The following TNXB variants were observed in gnomAD, a reference collection of about 807,000 sequenced individuals.
TNXB encodes the protein tenascin-X.
A neutral mutation model predicts 340.5 loss-of-function variants in TNXB; 183 were observed. The observed-to-expected ratio is 0.54, with a 90% CI of 0.48 to 0.61. The LOEUF is 0.61. Among genes scored for constraint, TNXB ranks in the 20% least tolerant of loss-of-function variants. TNXB has a pLI of 0.00. For synonymous variants in TNXB, 2,121 were observed against 2,314.5 expected (o/e 0.92, Z 2.40); for missense variants, 4,613 against 5,446.4 (o/e 0.85, Z 4.82).
Position 32,089,510 on chromosome 6 carries a change from G to T in TNXB, c.2359-131C>A. On this transcript the variant is annotated intron_variant, in intron 4 of 43. Transcript: ENST00000644971. This position sits in a 1 kb window ranked among gnomAD's most constrained non-coding sequence, Gnocchi z 6.2. ...CTGTGTGGAACTTGACCCTGTACAA[G>T]CTGGGGAGCAAACATGCTGAGAGCG... 2 of 1,228,014 alleles carry T rather than the reference G, an allele frequency of 1.6e-6. No homozygotes were observed. The highest frequency in any genetic ancestry group is 2.2e-6 in the Non-Finnish European group (2 of 911,000). The allele number at this position is 1,228,014 out of a possible 1,614,324, so 76.1% of individuals were successfully genotyped here. A position where few individuals can be genotyped will look rare whatever the true frequency, so the allele number is the denominator to read the frequency against.
rs1778447827 is a variant in TNXB at position 32,067,561 on chromosome 6, C to T, written c.6544+100G>A. 1.4e-6 allele frequency: 2 copies of T among 1,436,188 alleles called. No individual in the cohort carries two copies. Among genetic ancestry groups the T allele is most frequent in the Non-Finnish European group, 1.9e-6 (2 of 1,077,558 alleles). The allele number at this position is 1,436,188 out of a possible 1,614,324, so 89.0% of individuals were successfully genotyped here. A position where few individuals can be genotyped will look rare whatever the true frequency, so the allele number is the denominator to read the frequency against. ...AGCCTTTAGTGAACAGGGTGTATTA[C>T]AGGTTTGAGGTCTTGGGGTTCTGGG... is the stretch of plus-strand genomic sequence containing the variant. On this transcript the variant is annotated intron_variant, in intron 18 of 43. Transcript: ENST00000644971. This position sits in a 1 kb window ranked among gnomAD's most constrained non-coding sequence, Gnocchi z 4.2.
At chr6:32,077,886 G>T (rs1779167485) in intron 11 of TNXB, among the ~76,000 whole-genome samples, 1 of 152,048 alleles carries the variant, frequency 6.6e-6, no homozygotes, top group Non-Finnish European at 1.5e-5. Flanking sequence ...AATTAGCCAG[G>T]TGTGGTGGTG....
rs1037906099 is a variant in TNXB at position 32,048,317 on chromosome 6, A to G, written c.10045+46T>C. The G allele has an allele frequency of 1.0e-5, 15 of 1,470,562 alleles. No individual in the cohort carries two copies. The African/African-American group carries it at 2.1e-4, about 21-fold the overall frequency. The allele number at this position is 1,470,562 out of a possible 1,614,324, so 91.1% of individuals were successfully genotyped here. A position where few individuals can be genotyped will look rare whatever the true frequency, so the allele number is the denominator to read the frequency against. On this transcript the variant is annotated intron_variant, in intron 29 of 43. Coordinates refer to ENST00000644971, the MANE Select transcript of TNXB (RefSeq NM_001365276.2). ...ACGTGAAATTCCAACAGGTGCCACA[A>G]GGGGGCGAAGGCTCTGGCCGCGGGA...
Position 32,082,833 on chromosome 6 carries a change from T to C in TNXB, c.3446-507A>G, listed in dbSNP as rs1779553854. 6.6e-6 allele frequency among the ~76,000 whole-genome samples: 1 copy of C among 152,158 alleles called. No individual in the cohort carries two copies. Among genetic ancestry groups the C allele is most frequent in the African/African-American group, 2.4e-5 (1 of 41,430 alleles). ...CTCTTTGGGAACTTTGACCCATGGA[T>C]GGACTCCCTCGCCTGCAGCACTGAC... is the stretch of plus-strand genomic sequence containing the variant. On this transcript the variant is annotated intron_variant, in intron 8 of 43. Coordinates refer to ENST00000644971, the MANE Select transcript of TNXB (RefSeq NM_001365276.2). This position sits in a 1 kb window ranked among gnomAD's most constrained non-coding sequence, Gnocchi z 5.0.
Position 32,046,962 on chromosome 6 carries a change from C to T in TNXB, c.10325-506G>A, listed in dbSNP as rs559084498. Among the ~76,000 whole-genome samples, 8 of 152,360 alleles carry T rather than the reference C, an allele frequency of 5.3e-5. No homozygotes were observed. The highest frequency in any genetic ancestry group is 1.0e-4 in the Non-Finnish European group (7 of 68,036). ...CCTTGTGGCCATCAGCCTGAACATC[C>T]GTGCCTCCTGCTTCCCCAGCCCCAC... On this transcript the variant is annotated intron_variant, in intron 30 of 43. Transcript: ENST00000644971. The surrounding 1 kb of genome is among the most constrained non-coding windows in gnomAD (Gnocchi z 6.9).
chr6:32,047,248 A>C lies in TNXB; in HGVS notation c.10324+486T>G, dbSNP rs1460802277. Among the ~76,000 whole-genome samples, 1 of 152,216 alleles carries C rather than the reference A, an allele frequency of 6.6e-6. No individual in the cohort carries two copies. Among genetic ancestry groups the C allele is most frequent in the East Asian group, 1.9e-4 (1 of 5,194 alleles). ...GGAGTGGGGTGAGGGTCGGTGACCC[A>C]CCACACCCCTTCCTCAGGGAGCTGA... On this transcript the variant is annotated intron_variant, in intron 30 of 43. Coordinates refer to ENST00000644971, the MANE Select transcript of TNXB (RefSeq NM_001365276.2). This position sits in a 1 kb window ranked among gnomAD's most constrained non-coding sequence, Gnocchi z 6.2.
rs1217145090 is a variant in TNXB, at chr6:32,069,608, GA to G, written c.5531del (p.Leu1844ProfsTer44). 6.2e-7 allele frequency: 1 copy of G among 1,607,028 alleles called. No individual in the cohort carries two copies. The highest frequency in any genetic ancestry group is 1.7e-5 in the Admixed American group (1 of 59,794). On this transcript the variant is annotated frameshift_variant, in exon 15 of 44. Transcript: ENST00000644971. LOFTEE classifies it high-confidence loss of function. This position sits in a 1 kb window ranked among gnomAD's most constrained non-coding sequence, Gnocchi z 6.2. The part of the protein sequence containing the change: ...LDPAHRYKLL[L>X]YGLHHGKRVG... ...CACGCTTGCCGTGGTGCAGCCCGTA[GA>G]GCAGCAGCTTGTACCTGTGGGCAGG...
In TNXB at chr6:32,061,318, G is replaced by A. The variant is rs1777989188; in HGVS notation, c.7492+79C>T. 5 of 1,554,438 alleles carry A rather than the reference G, an allele frequency of 3.2e-6. No individual in the cohort carries two copies. Among genetic ancestry groups the A allele is most frequent in the African/African-American group, 2.8e-5 (2 of 72,642 alleles). Reference sequence around the variant, plus strand: ...CAGGAGACAAGTCTGGACCCACAGGGCTTGGTGAAAGGGCACAGCAGTAAA... The same window carrying A: ...CAGGAGACAAGTCTGGACCCACAGGACTTGGTGAAAGGGCACAGCAGTAAA... On this transcript the variant is annotated intron_variant, in intron 21 of 43. Transcript: ENST00000644971. This position sits in a 1 kb window ranked among gnomAD's most constrained non-coding sequence, Gnocchi z 4.4.
rs376551751 is a variant in TNXB, at chr6:32,061,409, C to T, written c.7480G>A (p.Val2494Met). 26 of 1,612,516 alleles carry T rather than the reference C, an allele frequency of 1.6e-5. No homozygotes were observed. The highest frequency in any genetic ancestry group is 1.7e-4 in the Middle Eastern group (1 of 6,058). Residue 2494 changes from valine (V) to methionine (M), a missense_variant, in exon 21 of 44, where the codon GTG (valine) becomes ATG (methionine). By Grantham distance (21) the Val-to-Met change is conservative. Transcript: ENST00000644971. The surrounding 1 kb of genome is among the most constrained non-coding windows in gnomAD (Gnocchi z 4.4). ...EGRRVGPVST[V>M]GVTAPQEDVD... is the part of the protein sequence containing the mutation. ...AAGCACTACTCACCAGTCACGCCCA[C>T]GGTGGACACCGGGCCCACGCGCCGC...
intron 3 of TNXB, 47 bp downstream of exon 3, chr6:32,095,564 C>A: frequency 6.4e-7 from 1 of 1,573,040 alleles, no homozygotes; most frequent in South Asian, 1.2e-5. Flanking sequence ...GGCTCCTGTT[C>A]ACAGAATCAC....
chr6:32,053,244 T>A, intron 25 of TNXB, 144 bp downstream of exon 25: 1 of 1,345,078 alleles, frequency 7.4e-7, no homozygotes, highest in Non-Finnish European at 1.0e-6. Flanking sequence ...GGAAGATCTG[T>A]CAGTCCTCAG....
rs1185418656 is a variant in TNXB at position 32,069,716 on chromosome 6, G to A, written c.5424C>T (p.Val1808=). 2 of 1,613,082 alleles carry A rather than the reference G, an allele frequency of 1.2e-6. No homozygotes were observed. The highest frequency in any genetic ancestry group is 1.1e-5 in the South Asian group (1 of 90,988). The change falls in exon 15 of 44, where the codon GTC becomes GTT. Residue 1808 remains valine (V), a synonymous_variant. Coordinates refer to ENST00000644971, the MANE Select transcript of TNXB (RefSeq NM_001365276.2). This position sits in a 1 kb window ranked among gnomAD's most constrained non-coding sequence, Gnocchi z 6.2. The part of the protein sequence containing the change: ...VPEGQFDSFV[V]QYKDRDGQPQ... The stretch of plus-strand genomic sequence containing the variant: ...GCTGCCCGTCCCTGTCTTTGTACTG[G>A]ACCACAAAGGAGTCAAACTGGCCCT...
chr6:32,071,922 C>T, intron 13 of TNXB, 68 bp downstream of exon 13: 1 of 1,368,718 alleles, frequency 7.3e-7, no homozygotes, highest in South Asian at 1.4e-5. Context: ...GAAGACTCAG[C>T]AGAGGGAGTG....
rs770876645 is a variant in TNXB, at chr6:32,088,672, C to T, written c.2779+113G>A. 74 of 1,442,420 alleles carry T rather than the reference C, an allele frequency of 5.1e-5. No homozygotes were observed. The Middle Eastern group carries it at 7.5e-4, about 15-fold the overall frequency. The allele number at this position is 1,442,420 out of a possible 1,614,324, so 89.4% of individuals were successfully genotyped here. ...CCCAGCAGGTGCCTCGAGACTGCCA[C>T]ACACCTGCCAGAAGCATTCAGAGGA... On this transcript the variant is annotated intron_variant, in intron 6 of 43. Coordinates refer to ENST00000644971, the MANE Select transcript of TNXB (RefSeq NM_001365276.2).
At position 32,079,453 on chromosome 6, in the gene TNXB, G is replaced by T; in HGVS notation, c.4043-88C>A. 9.3e-7 allele frequency: 1 copy of T among 1,073,944 alleles called. No individual in the cohort carries two copies. The highest frequency in any genetic ancestry group is 1.3e-6 in the Non-Finnish European group (1 of 752,236). 66.5% of individuals were successfully genotyped at this position (1,073,944 alleles called of 1,614,324 possible). A position where few individuals can be genotyped will look rare whatever the true frequency, so the allele number is the denominator to read the frequency against. On this transcript the variant is annotated intron_variant, in intron 10 of 43. Coordinates refer to ENST00000644971, the MANE Select transcript of TNXB (RefSeq NM_001365276.2). The surrounding 1 kb of genome is among the most constrained non-coding windows in gnomAD (Gnocchi z 7.1). The stretch of plus-strand genomic sequence containing the variant: ...GCCATGGAAATGCCCTTACGCTGTG[G>T]GCTCAGGGGCTCTGTAGCCTTTGTA...
In TNXB at chr6:32,068,750, A is replaced by G; in HGVS notation, c.5903-43T>C. 1 of 1,599,410 alleles carries G rather than the reference A, an allele frequency of 6.3e-7. No homozygotes were observed. The highest frequency in any genetic ancestry group is 8.5e-7 in the Non-Finnish European group (1 of 1,170,978). On this transcript the variant is annotated intron_variant, in intron 16 of 43. Transcript: ENST00000644971. The surrounding 1 kb of genome is among the most constrained non-coding windows in gnomAD (Gnocchi z 5.3). ...AAGAGAGGACTGAGGTGGGCAGGGTATCCGCGGGACTCTGCTGTCCTCTGG... is the reference window on the plus strand; with the variant it reads ...AAGAGAGGACTGAGGTGGGCAGGGTGTCCGCGGGACTCTGCTGTCCTCTGG...
Position 32,098,048 on chromosome 6 carries a change from C to T in TNXB, c.151G>A (p.Gly51Arg), listed in dbSNP as rs781290505. The change falls in exon 2 of 44, where the codon GGA becomes AGA. Residue 51 changes from glycine (G) to arginine (R), a missense_variant. This residue lies in a region of TNXB where 4,327 missense variants were observed against 4,859.4 expected (regional missense o/e 0.89). Transcript: ENST00000644971. ...AGCTGAGAAGAGGGGCTTCCCACTC[C>T]AGCCCCCACTGTGTGGCCCCCTGGC... Reference protein sequence around the residue: ...PQPGGHTVGAGVGSPSSQLYE... With the variant: ...PQPGGHTVGARVGSPSSQLYE... 3 of 1,607,102 alleles carry T rather than the reference C, an allele frequency of 1.9e-6. No individual in the cohort carries two copies. The Admixed American group carries it at 5.0e-5, about 27-fold the overall frequency.
In TNXB at chr6:32,090,199, C is replaced by T. The variant is rs1780014350; in HGVS notation, c.2359-820G>A. 6.6e-6 allele frequency among the ~76,000 whole-genome samples: 1 copy of T among 152,212 alleles called. No homozygotes were observed. The highest frequency in any genetic ancestry group is 2.4e-5 in the African/African-American group (1 of 41,444). ...AAAAATAAAATATATGGTCCCTGTC[C>T]TCAGGTAGCTGAGACTCTAATAGCT... On this transcript the variant is annotated intron_variant, in intron 4 of 43. Coordinates refer to ENST00000644971, the MANE Select transcript of TNXB (RefSeq NM_001365276.2). This position sits in a 1 kb window ranked among gnomAD's most constrained non-coding sequence, Gnocchi z 4.3.
Position 32,061,688 on chromosome 6 carries a change from G to A in TNXB, c.7201C>T (p.Pro2401Ser). 1 of 1,612,354 alleles carries A rather than the reference G, an allele frequency of 6.2e-7. No homozygotes were observed. ...GGGGGCTCCGGGGCCTCCATGCTGG[G>A]TTCTGTGGGGCTGGGGGTCTCTTCC... is the stretch of plus-strand genomic sequence containing the variant. ...AEEETPSPTE[P>S]SMEAPEPPEE... The change falls in exon 21 of 44, where the codon CCC (proline) becomes TCC (serine). Residue 2401 changes from proline (P) to serine (S), a missense_variant. Transcript: ENST00000644971. The surrounding 1 kb of genome is among the most constrained non-coding windows in gnomAD (Gnocchi z 4.4).
Sources: gnomAD v4.1 joint callset for allele counts (sites outside exome capture counted in the v4.1 genomes callset) on GRCh38, gnomAD v4.1.1 for gene constraint, gnomAD v4.1.1 regional missense constraint, Gnocchi (gnomAD v3.1) non-coding constraint, MANE v1.5 for transcripts, NCBI Gene and HGNC (gene_info 2026-07-23, HGNC 2026-07-21) for gene names.